The following ZZEF1 variants were observed in gnomAD, a reference collection of about 807,000 sequenced individuals.
ZZEF1 encodes the protein zinc finger ZZ-type and EF-hand domain containing 1, also known as zinc finger ZZ-type and EF-hand domain-containing protein 1.
A neutral mutation model predicts 342.8 loss-of-function variants in ZZEF1; 157 were observed. The ratio of observed to expected loss-of-function variants is 0.46; its 90% CI spans 0.40 to 0.52. The LOEUF (loss-of-function observed/expected upper bound fraction) is 0.52. Among genes scored for constraint, ZZEF1 ranks in the 20% least tolerant of loss-of-function variants. The probability of loss-of-function intolerance (pLI) is 0.00; values close to 1 mark genes in which losing one functional copy is unlikely to be tolerated. For missense variants in ZZEF1, 3,480 were observed against 3,725.6 expected (o/e 0.93, Z 1.72); for synonymous variants, 1,505 against 1,429.1 (o/e 1.05, Z -1.20).
chr17:4,012,987 G>A (rs1210259129), intron 52 of ZZEF1, among the ~76,000 whole-genome samples: 1 of 151,782 alleles, frequency 6.6e-6, no homozygotes, highest in Non-Finnish European at 1.5e-5. Flanking sequence ...TAATGGCCGT[G>A]GATTAGAGGA....
intron 1 of ZZEF1, among the ~76,000 whole-genome samples, chr17:4,127,264 A>G (rs2058587038): frequency 6.6e-6 from 1 of 152,120 alleles, no homozygotes; most frequent in Non-Finnish European, 1.5e-5. Context: ...TCGGCCTCCC[A>G]AAGAGTTGAG....
At chr17:4,039,925 T>C (rs1597798782) in intron 39 of ZZEF1, among the ~76,000 whole-genome samples, 1 of 152,152 alleles carries the variant, frequency 6.6e-6, no homozygotes, top group Non-Finnish European at 1.5e-5. Flanking sequence ...ATTACAGGCG[T>C]GAGCCACCGT....
intron 1 of ZZEF1, among the ~76,000 whole-genome samples, chr17:4,137,057 G>C (rs912893976): frequency 7.1e-6 from 1 of 140,780 alleles, no homozygotes; most frequent in Admixed American, 7.2e-5. Context: ...GCTGCTTAAA[G>C]AGCACTGGGA....
chr17:4,016,144 C>G lies in ZZEF1; in HGVS notation c.8145+179G>C, dbSNP rs1390013031. 6.6e-6 allele frequency among the ~76,000 whole-genome samples: 1 copy of G among 152,176 alleles called. No individual in the cohort carries two copies. Among genetic ancestry groups the G allele is most frequent in the East Asian group, 1.9e-4 (1 of 5,194 alleles). On this transcript the variant is annotated intron_variant, in intron 49 of 54. Transcript: ENST00000381638. The surrounding 1 kb of genome is among the most constrained non-coding windows in gnomAD (Gnocchi z 4.4). The stretch of plus-strand genomic sequence containing the variant: ...AAGAGAAGACTTGCTTGTACAGAAT[C>G]CCTGGCCTCAGGGAGGCAGACTGCA...
intron 44 of ZZEF1, 137 bp downstream of exon 44, chr17:4,022,572 G>A: frequency 4.1e-6 from 5 of 1,221,902 alleles, no homozygotes; most frequent in Non-Finnish European, 5.8e-6. Flanking sequence ...AGGGAATACA[G>A]AAGCAAGGGA....
intron 11 of ZZEF1, among the ~76,000 whole-genome samples, chr17:4,093,363 A>G (rs1030579683): frequency 3.9e-5 from 6 of 152,212 alleles, no homozygotes; most frequent in African/African-American, 1.4e-4. Context: ...GGCTGAAACG[A>G]AGACCACTGA....
At chr17:4,082,809 CTT>C (rs1320191174) in intron 16 of ZZEF1, among the ~76,000 whole-genome samples, 1 of 152,100 alleles carries the variant, frequency 6.6e-6, no homozygotes, top group Non-Finnish European at 1.5e-5. Flanking sequence ...GAATTTCGCT[CTT>C]GTTGCCTGGG....
chr17:4,090,821 G>A lies in ZZEF1; in HGVS notation c.1923C>T (p.Cys641=). ...LRQFVKSRIG[C]SSDDLGEDDP... The stretch of plus-strand genomic sequence containing the variant: ...CATCCTCTCCAAGGTCATCAGATGA[G>A]CAACCAATCCTGTAAAGACAAGAGT... Residue 641 remains cysteine, a synonymous_variant, in exon 12 of 55, where the codon TGC becomes TGT. Transcript: ENST00000381638. 2 of 1,613,554 alleles carry A rather than the reference G, an allele frequency of 1.2e-6. No individual in the cohort carries two copies. The highest frequency in any genetic ancestry group is 2.7e-5 in the African/African-American group (2 of 75,048).
In ZZEF1 at chr17:4,052,876, G is replaced by A. The variant is rs905079896; in HGVS notation, c.5435-740C>T. Among the ~76,000 whole-genome samples the A allele has an allele frequency of 6.0e-5, 9 of 150,440 alleles. No individual in the cohort carries two copies. The East Asian group carries it at 1.8e-3, about 30-fold the overall frequency. ...AGTGAGACTTTGTCTCGGGAGGGCG[G>A]CGGGGGAGAAAAAACCAGACCCAGA... On this transcript the variant is annotated intron_variant, in intron 34 of 54. Transcript: ENST00000381638.
At chr17:4,094,466 T>A (rs997129781) in intron 11 of ZZEF1, among the ~76,000 whole-genome samples, 2 of 152,134 alleles carry the variant, frequency 1.3e-5, no homozygotes, top group Admixed American at 1.3e-4. Context: ...ACATTTTAAA[T>A]TATCGTTTAA....
intron 6 of ZZEF1, among the ~76,000 whole-genome samples, chr17:4,109,352 T>C (rs1299818380): frequency 6.6e-6 from 1 of 152,180 alleles, no homozygotes. Context: ...AGGCACAGCA[T>C]AAGTGACCTC....
chr17:4,129,483 GC>G (rs1388151753), intron 1 of ZZEF1, among the ~76,000 whole-genome samples: 1 of 152,214 alleles, frequency 6.6e-6, no homozygotes, highest in South Asian at 2.1e-4. Context: ...CAACCTAAAT[GC>G]CCATCAATGA....
chr17:4,050,451 C>T (rs1475292180), intron 36 of ZZEF1, among the ~76,000 whole-genome samples: 2 of 152,184 alleles, frequency 1.3e-5, no homozygotes, highest in African/African-American at 4.8e-5. Flanking sequence ...ATTTACACTC[C>T]AGGTTAAGAA....
At position 4,029,672 on chromosome 17, in the gene ZZEF1, C is replaced by T. The variant is rs572276064; in HGVS notation, c.6892+2454G>A. Reference sequence around the variant, plus strand: ...GGGTGGATCACTGAGGTCAGGAGTTCGAGACCAGCCTGACCAACATGGTAA... The same window carrying T: ...GGGTGGATCACTGAGGTCAGGAGTTTGAGACCAGCCTGACCAACATGGTAA... On this transcript the variant is annotated intron_variant, in intron 42 of 54. Coordinates refer to ENST00000381638, the MANE Select transcript of ZZEF1 (RefSeq NM_015113.4). 4.0e-5 allele frequency among the ~76,000 whole-genome samples: 6 copies of T among 151,562 alleles called. No homozygotes were observed. In the South Asian group the frequency reaches 1.3e-3, roughly 32 times the overall value.
intron 43 of ZZEF1, 77 bp from the exon 44 acceptor site, chr17:4,022,905 T>TCATTCACTCTTTCATTCATTCGTC: frequency 6.5e-7 from 1 of 1,547,986 alleles, no homozygotes; most frequent in African/African-American, 1.4e-5. Flanking sequence ...CTCAGTCTGT[T>TCATTCACTCTTTCATTCATTCGTC]CATTCACTCT....
chr17:4,052,071 G>C lies in ZZEF1; in HGVS notation c.5500C>G (p.His1834Asp). Residue 1834 changes from histidine (H) to aspartate (D), a missense_variant, in exon 35 of 55, where the codon CAC becomes GAC. His to Asp is a moderately conservative substitution (Grantham distance 81, BLOSUM62 -1). This residue lies in a region of ZZEF1 where 175 missense variants were observed against 254.6 expected (regional missense o/e 0.69). Coordinates refer to ENST00000381638, the MANE Select transcript of ZZEF1 (RefSeq NM_015113.4). ...EMVNMEFTCD[H>D]CQGLIIGRRM... ...CGGCCTATGATCAAACCCTGGCAGT[G>C]GTCACAGGTAAACTCCATGTTGACC... 1 of 1,614,138 alleles carries C rather than the reference G, an allele frequency of 6.2e-7. No individual in the cohort carries two copies. Among genetic ancestry groups the C allele is most frequent in the Non-Finnish European group, 8.5e-7 (1 of 1,180,008 alleles).
intron 24 of ZZEF1, among the ~76,000 whole-genome samples, chr17:4,073,861 A>G (rs2057556760): frequency 6.6e-6 from 1 of 152,156 alleles, no homozygotes. Flanking sequence ...TGGTTGGACT[A>G]TACCTACACC....
chr17:4,050,562 AT>A (rs1171763893), intron 36 of ZZEF1, among the ~76,000 whole-genome samples: 1 of 152,226 alleles, frequency 6.6e-6, no homozygotes. Flanking sequence ...TGAGGTATTA[AT>A]ATTAGTTTCA....
chr17:4,063,565 A>G (rs2057327818), intron 29 of ZZEF1, among the ~76,000 whole-genome samples: 2 of 152,162 alleles, frequency 1.3e-5, no homozygotes, highest in Admixed American at 6.5e-5. Flanking sequence ...ATGAAAAAAT[A>G]TCTTTTTTTT....
Sources: allele counts gnomAD v4.1 joint callset (sites outside exome capture counted in the v4.1 genomes callset), GRCh38; gene constraint gnomAD v4.1.1; regional missense constraint gnomAD v4.1.1; non-coding constraint Gnocchi (gnomAD v3.1); transcripts MANE v1.5; gene names NCBI Gene and HGNC (gene_info 2026-07-23, HGNC 2026-07-21).